Variants in POLE observed in about 807,000 individuals in gnomAD.
POLE encodes the protein DNA polymerase epsilon catalytic subunit A.
A neutral mutation model predicts 279.2 loss-of-function variants in POLE; 188 were observed. The ratio of observed to expected loss-of-function variants is 0.67; its 90% CI spans 0.60 to 0.76. The LOEUF (loss-of-function observed/expected upper bound fraction) is 0.76, where lower values mean the gene tolerates loss of function less well. Ranked by LOEUF, POLE falls within the 30% of genes least tolerant of loss-of-function variation. The pLI, the probability that POLE is intolerant of heterozygous loss-of-function variation, is 0.00. For synonymous variants in POLE, 1,214 were observed against 1,172.5 expected (o/e 1.04, Z -0.72); for missense variants, 2,703 against 3,016.7 (o/e 0.90, Z 2.44).
Position 132,687,298 on chromosome 12 carries a change from G to A in POLE, c.18C>T (p.Gly6=), listed in dbSNP as rs2136052291. Reference sequence around the variant, plus strand: ...CGCCTGGGTCCGCGCGCCGCCGCCCGCCGCTCCTCAGAGACATGGAGCCGT... The same window carrying A: ...CGCCTGGGTCCGCGCGCCGCCGCCCACCGCTCCTCAGAGACATGGAGCCGT... MSLRS[G]GRRRADPGAD... The change falls in exon 1 of 49, where the codon GGC becomes GGT. Residue 6 remains glycine (G), a synonymous_variant. Coordinates refer to ENST00000320574, the MANE Select transcript of POLE (RefSeq NM_006231.4). 1.3e-6 allele frequency: 2 copies of A among 1,504,838 alleles called. No individual in the cohort carries two copies. The highest frequency in any genetic ancestry group is 1.4e-5 in the African/African-American group (1 of 70,272). 93.2% of individuals were successfully genotyped at this position (1,504,838 alleles called of 1,614,324 possible).
At chr12:132,638,934 C>A in intron 40 of POLE, 191 bp downstream of exon 40, 1 of 596,022 alleles carries the variant, frequency 1.7e-6, no homozygotes, top group South Asian at 2.0e-5. Flanking sequence ...GTGTTCTCTG[C>A]AGGATGTGCA....
chr12:132,682,327 T>TA (rs2043188485), intron 1 of POLE, among the ~76,000 whole-genome samples: 1 of 130,322 alleles, frequency 7.7e-6, no homozygotes, highest in South Asian at 2.4e-4. Context: ...AATAAATAAA[T>TA]AAATAAATTA....
rs1473956402 is a variant in POLE at position 132,641,577 on chromosome 12, A to G, written c.5378+70T>C. 2.2e-6 allele frequency: 3 copies of G among 1,353,428 alleles called. No individual in the cohort carries two copies. In the South Asian group the frequency reaches 3.7e-5, roughly 17 times the overall value. 83.8% of individuals were successfully genotyped at this position (1,353,428 alleles called of 1,614,324 possible). The stretch of plus-strand genomic sequence containing the variant: ...CCCAATGGACCCTGTCTTAGACCTT[A>G]GCTTTCCAAATTAAGGGCAAAGGAT... On this transcript the variant is annotated intron_variant, in intron 39 of 48. Coordinates refer to ENST00000320574, the MANE Select transcript of POLE (RefSeq NM_006231.4).
Position 132,634,437 on chromosome 12 carries a change from G to T in POLE, c.5812-59C>A. 2 of 1,528,386 alleles carry T rather than the reference G, an allele frequency of 1.3e-6. No homozygotes were observed. The highest frequency in any genetic ancestry group is 1.8e-6 in the Non-Finnish European group (2 of 1,118,366). The allele number at this position is 1,528,386 out of a possible 1,614,324, so 94.7% of individuals were successfully genotyped here. On this transcript the variant is annotated intron_variant, in intron 42 of 48. Coordinates refer to ENST00000320574, the MANE Select transcript of POLE (RefSeq NM_006231.4). The surrounding 1 kb of genome is among the most constrained non-coding windows in gnomAD (Gnocchi z 4.0). ...ACCATCGCGGCCTGGTAGAGGGGTA[G>T]GATGCCACAGCGAAGGCTCCTCCAA... is the stretch of plus-strand genomic sequence containing the variant.
chr12:132,672,098 G>C (rs1002245321), intron 16 of POLE, 117 bp downstream of exon 16: 2 of 722,348 alleles, frequency 2.8e-6, no homozygotes, highest in African/African-American at 3.4e-5. Context: ...GAGACCCTGT[G>C]TCATCCGTCC....
rs151278283 is a variant in POLE, at chr12:132,648,967, G to A, written c.4111C>T (p.Arg1371Ter). Residue 1371 changes from arginine (R) to a stop codon, truncating the protein, a stop_gained, in exon 32 of 49, where the codon CGA (arginine) becomes TGA (stop). Transcript: ENST00000320574. LOFTEE classifies it high-confidence loss of function. The stretch of plus-strand genomic sequence containing the variant: ...GCACCCTCCTCCGCTTTAGCGACTC[G>A]CTGGTTCACGTAGAACACACGGGGG... The part of the protein sequence containing the change: ...SIPRVFYVNQ[R>*]VAKAEEGASY... 9.9e-6 allele frequency: 16 copies of A among 1,613,854 alleles called. No homozygotes were observed. Among genetic ancestry groups the A allele is most frequent in the African/African-American group, 5.3e-5 (4 of 74,934 alleles).
Position 132,626,154 on chromosome 12 carries a change from C to T in POLE, c.6494G>A (p.Arg2165His), listed in dbSNP as rs5745068. The change falls in exon 46 of 49, where the codon CGC (arginine) becomes CAC (histidine). Residue 2165 changes from arginine to histidine, a missense_variant. This residue lies in a region of POLE where 1,551 missense variants were observed against 1,686.1 expected (regional missense o/e 0.92). Coordinates refer to ENST00000320574, the MANE Select transcript of POLE (RefSeq NM_006231.4). ...AGAGTCTTTACACAGGTCCAGGTCG[C>T]GGCAGAAGTTACAGCTGCGGCAGAT... Reference protein sequence around the residue: ...EVICRSCNFCRDLDLCKDSSF... With the variant: ...EVICRSCNFCHDLDLCKDSSF... 7,368 of 1,609,618 alleles carry T rather than the reference C, an allele frequency of 4.6e-3. 39 individuals carry two copies. The highest frequency in any genetic ancestry group is 0.03 in the Middle Eastern group (177 of 5,868).
At chr12:132,635,592 G>A (rs1472107827) in intron 42 of POLE, among the ~76,000 whole-genome samples, 1 of 152,234 alleles carries the variant, frequency 6.6e-6, no homozygotes, top group African/African-American at 2.4e-5. Flanking sequence ...CGCTGGAGGC[G>A]CCTTATGCTC....
chr12:132,655,506 A>G (rs2042513567), intron 29 of POLE, among the ~76,000 whole-genome samples: 1 of 152,202 alleles, frequency 6.6e-6, no homozygotes, highest in Admixed American at 6.5e-5. Flanking sequence ...TAGTTAGTTG[A>G]TTGTGTCATT....
intron 1 of POLE, among the ~76,000 whole-genome samples, chr12:132,682,309 T>TAAATAA (rs2043187094): frequency 8.4e-6 from 1 of 119,374 alleles, no homozygotes. Context: ...AAAAAATAAA[T>TAAATAA]AAAAATAAAT....
At chr12:132,674,433 A>T (rs867636479) in intron 12 of POLE, among the ~76,000 whole-genome samples, 21 of 151,816 alleles carry the variant, frequency 1.4e-4, no homozygotes, top group African/African-American at 2.4e-4. Flanking sequence ...ACCAAGCCTC[A>T]TGGTGGTCTT....
chr12:132,636,079 T>C (rs2042026548), intron 41 of POLE, 55 bp from the exon 42 acceptor site: 1 of 1,562,280 alleles, frequency 6.4e-7, no homozygotes, highest in African/African-American at 1.4e-5. Context: ...TGTTCTCAAC[T>C]TTCCTTTATT....
intron 45 of POLE, among the ~76,000 whole-genome samples, chr12:132,631,346 G>T (rs1012313210): frequency 6.6e-6 from 1 of 152,176 alleles, no homozygotes; most frequent in Admixed American, 6.5e-5. Flanking sequence ...TCCTGCTGAT[G>T]ATGATGCAAT....
intron 46 of POLE, 157 bp from the exon 47 acceptor site, chr12:132,625,927 G>C: frequency 8.6e-7 from 1 of 1,160,946 alleles, no homozygotes; most frequent in Non-Finnish European, 1.2e-6. Flanking sequence ...ACCTGCACTT[G>C]AGCCCTTCCT....
chr12:132,681,214 T>G lies in POLE; in HGVS notation c.128A>C (p.Lys43Thr). 1 of 1,614,202 alleles carries G rather than the reference T, an allele frequency of 6.2e-7. No homozygotes were observed. Among genetic ancestry groups the G allele is most frequent in the Non-Finnish European group, 8.5e-7 (1 of 1,180,042 alleles). The change falls in exon 2 of 49, where the codon AAG (lysine) becomes ACG (threonine). Residue 43 changes from lysine to threonine, a missense_variant. By Grantham distance (78) the Lys-to-Thr change is moderately conservative (BLOSUM62 -1). Coordinates refer to ENST00000320574, the MANE Select transcript of POLE (RefSeq NM_006231.4). ...CTCAAAACCAAACCGCAAATCCATC[T>G]TATCCGTCCACTGACTCCGTTCCAG... ...KRLERSQWTDKMDLRFGFERL... is the reference protein window; with the variant it reads ...KRLERSQWTDTMDLRFGFERL...
chr12:132,646,689 G>A (rs1458790835), intron 32 of POLE, among the ~76,000 whole-genome samples: 4 of 151,826 alleles, frequency 2.6e-5, no homozygotes, highest in East Asian at 1.9e-4. Context: ...AAAATTAGCC[G>A]GGCGTGGTGG....
At position 132,638,187 on chromosome 12, in the gene POLE, G is replaced by A. The variant is rs202121406; in HGVS notation, c.5553-48C>T. ...GTGGTGGAGACGCCACAGTCATGGAGAGCCAGAGGGCACCCAGAAAATCCA... is the reference window on the plus strand; with the variant it reads ...GTGGTGGAGACGCCACAGTCATGGAAAGCCAGAGGGCACCCAGAAAATCCA... On this transcript the variant is annotated intron_variant, in intron 40 of 48. Transcript: ENST00000320574. The A allele has an allele frequency of 7.0e-6, 11 of 1,573,588 alleles. 1 individual carries two copies. The highest frequency in any genetic ancestry group is 6.1e-6 in the Non-Finnish European group (7 of 1,155,262).
At chr12:132,636,601 C>T (rs781433884) in intron 41 of POLE, among the ~76,000 whole-genome samples, 1 of 151,956 alleles carries the variant, frequency 6.6e-6, no homozygotes, top group South Asian at 2.1e-4. Flanking sequence ...ACAAAAAATA[C>T]AAAAATTGGC....
At chr12:132,665,596 C>CATTG in intron 20 of POLE, 146 bp from the exon 21 acceptor site, 1 of 835,678 alleles carries the variant, frequency 1.2e-6, no homozygotes, top group Non-Finnish European at 1.8e-6. Context: ...GTACATTCTT[C>CATTG]TCCTAGACTG....
Sources: allele counts gnomAD v4.1 joint callset (sites outside exome capture counted in the v4.1 genomes callset), GRCh38; gene constraint gnomAD v4.1.1; regional missense constraint gnomAD v4.1.1; non-coding constraint Gnocchi (gnomAD v3.1); transcripts MANE v1.5; gene names NCBI Gene and HGNC (gene_info 2026-07-23, HGNC 2026-07-21).